Variants in DLG2 observed in about 807,000 individuals in gnomAD.
The protein encoded by DLG2 is disks large homolog 2.
In DLG2, 45 loss-of-function variants were observed where a neutral mutation model predicts 132.5. The ratio of observed to expected loss-of-function variants is 0.34; its 90% confidence interval spans 0.27 to 0.44. The LOEUF (loss-of-function observed/expected upper bound fraction) is 0.44. DLG2 is among the 20% of genes least tolerant of loss of function. DLG2 has a pLI of 1.00. For synonymous variants in DLG2, 424 were observed against 419.6 expected (o/e 1.01, Z -0.13); for missense variants, 1,045 against 1,196.9 (o/e 0.87, Z 1.87).
chr11:85,196,513 T>C (rs2081080525), intron 4 of DLG2, among the ~76,000 whole-genome samples: 1 of 152,164 alleles, frequency 6.6e-6, no homozygotes, highest in Non-Finnish European at 1.5e-5. Context: ...ATAGTGTAAA[T>C]AGTCCCACTA....
intron 16 of DLG2, among the ~76,000 whole-genome samples, chr11:83,842,134 A>G (rs1307741884): frequency 6.6e-6 from 1 of 152,194 alleles, no homozygotes; most frequent in African/African-American, 2.4e-5. Context: ...GAATGGAGAA[A>G]TGCCAGCCTG....
intron 6 of DLG2, among the ~76,000 whole-genome samples, chr11:84,750,950 T>G (rs372208264): frequency 2.0e-5 from 3 of 152,310 alleles, no homozygotes; most frequent in African/African-American, 7.2e-5. Flanking sequence ...CTTATAAGAT[T>G]GAAATCAGGC....
chr11:85,501,679 C>A (rs1188906150), intron 3 of DLG2, among the ~76,000 whole-genome samples: 2 of 152,220 alleles, frequency 1.3e-5, no homozygotes, highest in Non-Finnish European at 2.9e-5. Flanking sequence ...TGCTCATCAT[C>A]TCTGGTCATT....
At chr11:84,788,778 G>A (rs1413486410) in intron 6 of DLG2, among the ~76,000 whole-genome samples, 1 of 152,104 alleles carries the variant, frequency 6.6e-6, no homozygotes, top group Non-Finnish European at 1.5e-5. Context: ...CAGAAACCTA[G>A]AAACAGTAGC....
chr11:83,734,393 TTCCTTCCTTCCTTCCCTCCC>T lies in DLG2; in HGVS notation c.1825+52277_1825+52296del, dbSNP rs1342599114. ...CTTCCTTCCTTCCTTCCTTCCTTCCTTCCTTCCTTCCTTCCCTCCCTCCTTCCCTCCCTCCTTCCTTTCTC... is the reference window on the plus strand; with the variant it reads ...CTTCCTTCCTTCCTTCCTTCCTTCCTTCCTTCCCTCCCTCCTTCCTTTCTC... On this transcript the variant is annotated intron_variant, in intron 18 of 27. Transcript: ENST00000376104. Among the ~76,000 whole-genome samples the T allele has an allele frequency of 1.6e-3, 183 of 113,872 alleles. 3 individuals carry two copies. The highest frequency in any genetic ancestry group is 6.2e-3 in the African/African-American group (173 of 27,996). 74.7% of individuals were successfully genotyped at this position (113,872 alleles called of 152,430 possible).
chr11:84,458,415 G>A (rs753591988), intron 7 of DLG2, among the ~76,000 whole-genome samples: 14 of 150,758 alleles, frequency 9.3e-5, no homozygotes, highest in Non-Finnish European at 2.1e-4. Context: ...CTCCAGTCTT[G>A]TCACCTGGAA....
Position 84,943,165 on chromosome 11 carries a change from T to C in DLG2, c.357+168496A>G, listed in dbSNP as rs575371622. Among the ~76,000 whole-genome samples the C allele has an allele frequency of 1.4e-3, 182 of 129,306 alleles. 4 individuals are homozygous for C. In the South Asian group the frequency reaches 0.032, roughly 23 times the overall value. 84.8% of individuals were successfully genotyped at this position (129,306 alleles called of 152,430 possible). ...CAGATTTTTGGGTCGTGTGTGTGTGTGCGTGTGTGTGTGTGTGTGTGTGTG... is the reference window on the plus strand; with the variant it reads ...CAGATTTTTGGGTCGTGTGTGTGTGCGCGTGTGTGTGTGTGTGTGTGTGTG... On this transcript the variant is annotated intron_variant, in intron 6 of 27. Coordinates refer to ENST00000376104, the MANE Select transcript of DLG2 (RefSeq NM_001142699.3).
chr11:84,914,762 T>C (rs2092345862), intron 6 of DLG2, among the ~76,000 whole-genome samples: 2 of 152,234 alleles, frequency 1.3e-5, no homozygotes, highest in South Asian at 4.1e-4. Context: ...TTACTTGCTG[T>C]GAGGCCCGGA....
chr11:85,091,681 T>C lies in DLG2; in HGVS notation c.357+19980A>G, dbSNP rs189044520. On this transcript the variant is annotated intron_variant, in intron 6 of 27. Transcript: ENST00000376104. ...CATCGTCTTCTTTAGAAGTAAATTTTGTCTCAAAAAAACACTTTCTTTGCT... is the reference window on the plus strand; with the variant it reads ...CATCGTCTTCTTTAGAAGTAAATTTCGTCTCAAAAAAACACTTTCTTTGCT... Among the ~76,000 whole-genome samples, 35 of 152,352 alleles carry C rather than the reference T, an allele frequency of 2.3e-4. 1 individual carries two copies. The highest frequency in any genetic ancestry group is 7.7e-4 in the African/African-American group (32 of 41,580).
At chr11:84,743,245 T>C (rs1382486976) in intron 6 of DLG2, among the ~76,000 whole-genome samples, 1 of 152,102 alleles carries the variant, frequency 6.6e-6, no homozygotes, top group African/African-American at 2.4e-5. Context: ...ATGTTATTCC[T>C]AAAAACTCCC....
At chr11:84,575,356 C>A (rs1205230513) in intron 6 of DLG2, among the ~76,000 whole-genome samples, 1 of 151,962 alleles carries the variant, frequency 6.6e-6, no homozygotes, top group Non-Finnish European at 1.5e-5. Flanking sequence ...TTCACACATT[C>A]TCCACCCCTC....
Position 83,688,811 on chromosome 11 carries a change from C to T in DLG2, c.1826-55486G>A, listed in dbSNP as rs145489039. Among the ~76,000 whole-genome samples the T allele has an allele frequency of 6.6e-5, 10 of 152,088 alleles. No homozygotes were observed. In the East Asian group the frequency reaches 1.5e-3, roughly 24 times the overall value. On this transcript the variant is annotated intron_variant, in intron 18 of 27. Transcript: ENST00000376104. ...TTCTTTGTTTATCTATTATCTGGTC[C>T]CCTATAATCTAATTTGGGGACCACC...
chr11:84,875,019 CAAAAAAAAA>C, intron 6 of DLG2, among the ~76,000 whole-genome samples: 1 of 59,902 alleles, frequency 1.7e-5, no homozygotes, highest in Non-Finnish European at 3.7e-5. Flanking sequence ...TACTTCATCT[CAAAAAAAAA>C]AAAAAAAAAA....
chr11:83,472,588 G>T, intron 23 of DLG2, 139 bp downstream of exon 23: 1 of 682,642 alleles, frequency 1.5e-6, no homozygotes. Flanking sequence ...GAGAGACAGC[G>T]TAAGAGTAAG....
intron 18 of DLG2, among the ~76,000 whole-genome samples, chr11:83,757,570 T>C (rs922575705): frequency 6.6e-6 from 1 of 152,150 alleles, no homozygotes; most frequent in East Asian, 1.9e-4. Context: ...GATGAATAGA[T>C]GAAGACTTTC....
chr11:84,530,960 C>T (rs2099337199), intron 7 of DLG2, among the ~76,000 whole-genome samples: 1 of 151,902 alleles, frequency 6.6e-6, no homozygotes, highest in African/African-American at 2.4e-5. Flanking sequence ...CTTCGGGAGG[C>T]CAAGGCGGGA....
intron 3 of DLG2, among the ~76,000 whole-genome samples, chr11:85,441,511 G>A (rs2091774556): frequency 6.6e-6 from 1 of 151,954 alleles, no homozygotes; most frequent in Non-Finnish European, 1.5e-5. Flanking sequence ...CTCCAAATTG[G>A]TATCTCTGAC....
intron 3 of DLG2, among the ~76,000 whole-genome samples, chr11:85,320,790 C>G (rs1261970898): frequency 6.6e-6 from 1 of 151,686 alleles, no homozygotes; most frequent in Non-Finnish European, 1.5e-5. Context: ...ATGTACTATT[C>G]ATGCTCAAGA....
At chr11:85,428,225 G>C (rs1396504251) in intron 3 of DLG2, among the ~76,000 whole-genome samples, 1 of 152,120 alleles carries the variant, frequency 6.6e-6, no homozygotes, top group Non-Finnish European at 1.5e-5. Flanking sequence ...CAATGACACA[G>C]AAAGTTAACA....
Sources: gnomAD v4.1 joint callset for allele counts (sites outside exome capture counted in the v4.1 genomes callset) on GRCh38, gnomAD v4.1.1 for gene constraint, MANE v1.5 for transcripts, NCBI Gene and HGNC (gene_info 2026-07-23, HGNC 2026-07-21) for gene names.